Variants in MCTP1 observed in about 807,000 individuals in gnomAD.
MCTP1 encodes the protein multiple C2 and transmembrane domain containing 1, also known as multiple C2 and transmembrane domain-containing protein 1.
In MCTP1, 69 loss-of-function variants were observed where a neutral mutation model predicts 120.6. The ratio of observed to expected loss-of-function variants is 0.57; its 90% CI spans 0.47 to 0.70. MCTP1 has a LOEUF of 0.70. Ranked by LOEUF, MCTP1 falls within the 30% of genes least tolerant of loss-of-function variation. MCTP1 has a pLI of 0.00. For synonymous variants in MCTP1, 529 were observed against 493.1 expected (o/e 1.07, Z -0.96); for missense variants, 1,203 against 1,248.8 (o/e 0.96, Z 0.55).
At chr5:95,262,071 C>T (rs924910361) in intron 1 of MCTP1, among the ~76,000 whole-genome samples, 2 of 152,134 alleles carry the variant, frequency 1.3e-5, no homozygotes, top group East Asian at 3.9e-4. Context: ...CTAGTAGGGG[C>T]ACAGCTGTGA....
chr5:94,792,220 C>T (rs1401457285), intron 18 of MCTP1: 1 of 153,382 alleles, frequency 6.5e-6, no homozygotes. Flanking sequence ...AAGTTCCAGA[C>T]CCTGCCTGCA....
rs572189790 is a variant in MCTP1 at position 94,992,652 on chromosome 5, C to T, written c.838+24715G>A. The stretch of plus-strand genomic sequence containing the variant: ...CAATGTCTTTGGGAGTAGGGCTTAA[C>T]AGATGGCAAATGGGAATTGCTAAAT... On this transcript the variant is annotated intron_variant, in intron 2 of 22. Coordinates refer to ENST00000515393, the MANE Select transcript of MCTP1 (RefSeq NM_024717.7). 4.5e-4 allele frequency among the ~76,000 whole-genome samples: 68 copies of T among 152,292 alleles called. 1 individual carries two copies. Among genetic ancestry groups the T allele is most frequent in the Non-Finnish European group, 7.2e-4 (49 of 68,030 alleles).
intron 1 of MCTP1, among the ~76,000 whole-genome samples, chr5:95,154,519 C>T (rs1744878787): frequency 6.6e-6 from 1 of 152,150 alleles, no homozygotes; most frequent in African/African-American, 2.4e-5. Flanking sequence ...AAGAGAGCTG[C>T]CTCCACATTT....
At chr5:95,240,875 G>T (rs1354487149) in intron 1 of MCTP1, among the ~76,000 whole-genome samples, 1 of 151,302 alleles carries the variant, frequency 6.6e-6, no homozygotes, top group East Asian at 1.9e-4. Flanking sequence ...TTAAATCCTC[G>T]TATTTCCTTT....
chr5:94,878,019 A>T (rs1799281326), intron 12 of MCTP1, among the ~76,000 whole-genome samples: 1 of 152,122 alleles, frequency 6.6e-6, no homozygotes, highest in Non-Finnish European at 1.5e-5. Flanking sequence ...AGCAATTCAT[A>T]CCCATGGGGG....
At chr5:94,911,217 T>G (rs1004561225) in intron 9 of MCTP1, among the ~76,000 whole-genome samples, 1 of 152,200 alleles carries the variant, frequency 6.6e-6, no homozygotes, top group South Asian at 2.1e-4. Flanking sequence ...CCCATCAGAA[T>G]GGAATGTGAT....
At chr5:95,000,518 T>C (rs965765798) in intron 2 of MCTP1, among the ~76,000 whole-genome samples, 3 of 152,196 alleles carry the variant, frequency 2.0e-5, no homozygotes, top group Admixed American at 6.5e-5. Flanking sequence ...ATTCTGATCC[T>C]GTAGGCCTTG....
chr5:94,743,243 T>TA (rs1256439961), intron 19 of MCTP1, among the ~76,000 whole-genome samples: 1 of 150,640 alleles, frequency 6.6e-6, no homozygotes, highest in African/African-American at 2.4e-5. Context: ...AAAATTAACC[T>TA]AAAAGCTGTA....
At chr5:95,133,640 G>A (rs1385595142) in intron 1 of MCTP1, among the ~76,000 whole-genome samples, 1 of 152,234 alleles carries the variant, frequency 6.6e-6, no homozygotes, top group African/African-American at 2.4e-5. Flanking sequence ...GGGTAACAGA[G>A]CAAGATTCCA....
In MCTP1 at chr5:94,704,869, C is replaced by G. The variant is rs1436685498; in HGVS notation, c.*2627G>C. 1.3e-5 allele frequency: 2 copies of G among 150,780 alleles called. No individual in the cohort carries two copies. The highest frequency in any genetic ancestry group is 2.4e-5 in the African/African-American group (1 of 41,200). 9.3% of individuals were successfully genotyped at this position (150,780 alleles called of 1,614,324 possible). A position where few individuals can be genotyped will look rare whatever the true frequency, so the allele number is the denominator to read the frequency against. ...CTAGGATAATCTGAGTTGGGAGATT[C>G]AATCAATCAATCAGTTTGAGTCTGG... On this transcript the variant is annotated 3_prime_UTR_variant, in exon 23 of 23. Coordinates refer to ENST00000515393, the MANE Select transcript of MCTP1 (RefSeq NM_024717.7).
At chr5:95,117,717 T>C (rs1370921532) in intron 1 of MCTP1, among the ~76,000 whole-genome samples, 1 of 152,162 alleles carries the variant, frequency 6.6e-6, no homozygotes, top group East Asian at 1.9e-4. Context: ...TGTACACATA[T>C]GTTTACTGCA....
chr5:95,020,107 T>G (rs1837910722), intron 1 of MCTP1, among the ~76,000 whole-genome samples: 1 of 152,068 alleles, frequency 6.6e-6, no homozygotes, highest in African/African-American at 2.4e-5. Flanking sequence ...AAGGAGAATT[T>G]TCTACATGCC....
intron 6 of MCTP1, among the ~76,000 whole-genome samples, 171 bp from the exon 7 acceptor site, chr5:94,924,192 T>C (rs1457828979): frequency 6.6e-6 from 1 of 152,060 alleles, no homozygotes; most frequent in East Asian, 1.9e-4. Context: ...AAATTAAAAT[T>C]TTTGTGGTAG....
intron 18 of MCTP1, among the ~76,000 whole-genome samples, chr5:94,781,168 T>G (rs1452553451): frequency 6.6e-6 from 1 of 151,934 alleles, no homozygotes. Flanking sequence ...CCATGCAGAT[T>G]CTTATCAAAT....
At chr5:95,245,701 T>G (rs974290544) in intron 1 of MCTP1, among the ~76,000 whole-genome samples, 1 of 151,918 alleles carries the variant, frequency 6.6e-6, no homozygotes, top group South Asian at 2.1e-4. Flanking sequence ...AATCTACATT[T>G]GATTGGTGTA....
At chr5:95,188,093 A>G (rs940727177) in intron 1 of MCTP1, among the ~76,000 whole-genome samples, 1 of 152,224 alleles carries the variant, frequency 6.6e-6, no homozygotes, top group Non-Finnish European at 1.5e-5. Context: ...CAGAAAATGG[A>G]CAAAAGACAT....
At chr5:94,833,312 A>T (rs1010110792) in intron 17 of MCTP1, among the ~76,000 whole-genome samples, 3 of 152,106 alleles carry the variant, frequency 2.0e-5, no homozygotes, top group Non-Finnish European at 2.9e-5. Context: ...TCAACACCTC[A>T]TCAACTAATC....
intron 1 of MCTP1, among the ~76,000 whole-genome samples, chr5:95,271,819 A>C (rs1759430801): frequency 6.6e-6 from 1 of 151,890 alleles, no homozygotes; most frequent in Non-Finnish European, 1.5e-5. Context: ...GATAGATATA[A>C]AATATTTTAA....
At chr5:94,999,013 G>A (rs997367950) in intron 2 of MCTP1, among the ~76,000 whole-genome samples, 2 of 152,112 alleles carry the variant, frequency 1.3e-5, no homozygotes, top group African/African-American at 4.8e-5. Context: ...TTAAAGTTTT[G>A]TCCCTCTTCC....
Sources: allele counts gnomAD v4.1 joint callset (sites outside exome capture counted in the v4.1 genomes callset), GRCh38; gene constraint gnomAD v4.1.1; transcripts MANE v1.5; gene names NCBI Gene and HGNC (gene_info 2026-07-23, HGNC 2026-07-21).